TMEM230: variants seen among roughly 807,000 people sequenced by gnomAD.
The protein encoded by TMEM230 is transmembrane protein 230, also known as UPF0414 transmembrane protein C20orf30.
TMEM230 carries 10 observed loss-of-function variants against 15.8 expected under a neutral mutation model. The ratio of observed to expected loss-of-function variants is 0.63; its 90% CI spans 0.39 to 1.07. The LOEUF is 1.07. Among genes scored for constraint, TMEM230 ranks in the 50% least tolerant of loss-of-function variants. The probability of loss-of-function intolerance (pLI) is 0.01; values close to 1 mark genes in which losing one functional copy is unlikely to be tolerated. For synonymous variants in TMEM230, 67 were observed against 76.9 expected, an observed-to-expected ratio of 0.87 and a Z score of 0.68; for missense variants, 165 against 193.3, an observed-to-expected ratio of 0.85 and a Z score of 0.87.
chr20:5,070,690 G>A (rs1042479641), intron 3 of TMEM230, among the ~76,000 whole-genome samples: 1 of 152,210 alleles, frequency 6.6e-6, no homozygotes, highest in Non-Finnish European at 1.5e-5. Flanking sequence ...TTGAGAGGGT[G>A]AAGACCTAAC....
intron 3 of TMEM230, among the ~76,000 whole-genome samples, chr20:5,091,910 C>T (rs149048815): frequency 6.6e-6 from 1 of 152,312 alleles, no homozygotes; most frequent in Admixed American, 6.5e-5. Flanking sequence ...TACATCAAGA[C>T]AGAGCTGCAT....
At chr20:5,097,969 A>ATTTTTTTTTT (rs5840073), downstream of TMEM230, among the ~76,000 whole-genome samples, 1 of 67,252 alleles carries the variant, frequency 1.5e-5, no homozygotes, top group Non-Finnish European at 2.6e-5. Context: ...CTAACTCAGG[A>ATTTTTTTTTT]TTTTTTTTTT....
intron 3 of TMEM230, among the ~76,000 whole-genome samples, chr20:5,080,609 C>G (rs2089151273): frequency 6.6e-6 from 1 of 151,874 alleles, no homozygotes; most frequent in African/African-American, 2.4e-5. Flanking sequence ...GTCTATTGCC[C>G]AAGCTGGAGT....
rs113513879 is a variant in TMEM230 at position 5,079,726 on chromosome 20, GA to G, written c.223-10378del. On this transcript the variant is annotated intron_variant, in intron 3 of 3. Coordinates refer to the TMEM230 transcript ENST00000612323. ...ATTCACTGAAATTTTTAAAAAAGAA[GA>G]AAAAAAAATTGGAAAGCCTTATTTT... Among the ~76,000 whole-genome samples the G allele has an allele frequency of 6.2e-4, 94 of 151,170 alleles. 2 individuals carry two copies. In the South Asian group the frequency reaches 7.3e-3, roughly 12 times the overall value.
chr20:5,108,704 T>TA, intron 3 of TMEM230, among the ~76,000 whole-genome samples: 1 of 152,204 alleles, frequency 6.6e-6, no homozygotes, highest in Non-Finnish European at 1.5e-5. Flanking sequence ...TCGTTGGCCC[T>TA]AGTTCCACGT....
chr20:5,082,984 A>G (rs1306854290), intron 3 of TMEM230, among the ~76,000 whole-genome samples: 1 of 148,454 alleles, frequency 6.7e-6, no homozygotes, highest in Non-Finnish European at 1.5e-5. Flanking sequence ...CTGTAGTGCA[A>G]TGGCGCGATC....
intron 3 of TMEM230, among the ~76,000 whole-genome samples, chr20:5,084,802 G>A (rs2122616812): frequency 6.6e-6 from 1 of 152,316 alleles, no homozygotes; most frequent in South Asian, 2.1e-4. Flanking sequence ...CCAAAGTGTT[G>A]GGATTACAGG....
chr20:5,098,193 T>C (rs1600366321), downstream of TMEM230, among the ~76,000 whole-genome samples: 2 of 152,022 alleles, frequency 1.3e-5, no homozygotes, highest in Admixed American at 1.3e-4. Context: ...GTCAGGACGG[T>C]CAAACTCCCA....
At chr20:5,074,884 A>G (rs911928334) in intron 3 of TMEM230, among the ~76,000 whole-genome samples, 1 of 152,186 alleles carries the variant, frequency 6.6e-6, no homozygotes, top group African/African-American at 2.4e-5. Flanking sequence ...GTTTGTTTTG[A>G]ACTCCTGGCC....
downstream of TMEM230, chr20:5,067,427 A>ATATATATG (rs1314725354): frequency 0.012 from 122 of 10,446 alleles, 1 homozygote; most frequent in South Asian, 0.071. Context: ...ATATATATAT[A>ATATATATG]TATATATATA....
intron 3 of TMEM230, among the ~76,000 whole-genome samples, chr20:5,079,404 T>C (rs962694636): frequency 1.1e-4 from 16 of 152,258 alleles, no homozygotes; most frequent in African/African-American, 3.6e-4. Flanking sequence ...CTTTGTTGAA[T>C]TCCCCCACTC....
chr20:5,101,844 G>T (rs1357240646), intron 4 of TMEM230, among the ~76,000 whole-genome samples: 3 of 152,190 alleles, frequency 2.0e-5, no homozygotes, highest in Non-Finnish European at 4.4e-5. Flanking sequence ...GGTTTCTAAG[G>T]TTTCATATTG....
chr20:5,074,320 C>T (rs1489168809), intron 3 of TMEM230, among the ~76,000 whole-genome samples: 1 of 152,136 alleles, frequency 6.6e-6, no homozygotes, highest in African/African-American at 2.4e-5. Flanking sequence ...AACGCTTAAT[C>T]ACCATTATCA....
chr20:5,108,042 G>A (rs1044001587), intron 3 of TMEM230, among the ~76,000 whole-genome samples: 10 of 152,006 alleles, frequency 6.6e-5, no homozygotes, highest in African/African-American at 2.4e-4. Flanking sequence ...TGAACCAGGA[G>A]GGGGAGGTTG....
downstream of TMEM230, among the ~76,000 whole-genome samples, chr20:5,095,118 C>G (rs1002100146): frequency 6.6e-6 from 1 of 152,160 alleles, no homozygotes; most frequent in African/African-American, 2.4e-5. Context: ...CTAGAGAAAA[C>G]CCTCTGGAAG....
intron 4 of TMEM230, among the ~76,000 whole-genome samples, chr20:5,102,707 A>G (rs997520729): frequency 2.0e-5 from 3 of 149,866 alleles, no homozygotes; most frequent in African/African-American, 4.9e-5. Context: ...AAAAAAAAAA[A>G]AAGAATACTA....
At chr20:5,078,175 T>C (rs1185866315) in intron 3 of TMEM230, among the ~76,000 whole-genome samples, 3 of 152,104 alleles carry the variant, frequency 2.0e-5, no homozygotes, top group Non-Finnish European at 4.4e-5. Context: ...GTGACCTGTG[T>C]AGACGCCCAG....
At chr20:5,090,867 GA>G (rs2122654616) in intron 3 of TMEM230, among the ~76,000 whole-genome samples, 1 of 152,244 alleles carries the variant, frequency 6.6e-6, no homozygotes, top group South Asian at 2.1e-4. Context: ...GAACAATTGT[GA>G]AATGGTAATA....
intron 3 of TMEM230, among the ~76,000 whole-genome samples, chr20:5,083,446 G>A (rs894697965): frequency 3.9e-5 from 6 of 151,988 alleles, no homozygotes; most frequent in Non-Finnish European, 7.4e-5. Context: ...AATAGCTGTC[G>A]AATTTTGTCT....
Sources: gnomAD v4.1 joint callset for allele counts (sites outside exome capture counted in the v4.1 genomes callset) on GRCh38, gnomAD v4.1.1 for gene constraint, MANE v1.5 for transcripts, NCBI Gene and HGNC (gene_info 2026-07-23, HGNC 2026-07-21) for gene names.